Variants in PRKAA1 observed in about 807,000 individuals in gnomAD.
PRKAA1 encodes the protein 5'-AMP-activated protein kinase catalytic subunit alpha-1.
In PRKAA1, 23 loss-of-function variants were observed where a neutral mutation model predicts 56.9. The observed-to-expected ratio is 0.40, with a 90% CI of 0.29 to 0.57. The LOEUF (loss-of-function observed/expected upper bound fraction) is 0.57. Among genes scored for constraint, PRKAA1 ranks in the 20% least tolerant of loss-of-function variants. The probability of loss-of-function intolerance (pLI) is 0.39; values close to 1 mark genes in which losing one functional copy is unlikely to be tolerated. For synonymous variants in PRKAA1, 226 were observed against 227.0 expected (o/e 1.00, Z 0.04); for missense variants, 413 against 679.7 (o/e 0.61, Z 4.36).
intron 2 of PRKAA1, 47 bp downstream of exon 2, chr5:40,777,398 A>C: frequency 6.5e-7 from 1 of 1,532,050 alleles, no homozygotes; most frequent in Non-Finnish European, 8.9e-7. Context: ...GGTTAACAAA[A>C]AAGATGAAAA....
chr5:40,769,070 A>G, intron 5 of PRKAA1: 1 of 662,834 alleles, frequency 1.5e-6, no homozygotes, highest in Non-Finnish European at 2.5e-6. Context: ...TTAAAGCTAC[A>G]CATTACATGT....
At chr5:40,774,944 GT>G in intron 3 of PRKAA1, 1 of 1,604,808 alleles carries the variant, frequency 6.2e-7, no homozygotes, top group Non-Finnish European at 8.5e-7. Flanking sequence ...CGTGGAGCCT[GT>G]TTTTACTACT....
chr5:40,764,805 C>A lies in PRKAA1; in HGVS notation c.1255G>T (p.Asp419Tyr). 1 of 1,613,922 alleles carries A rather than the reference C, an allele frequency of 6.2e-7. No individual in the cohort carries two copies. Among genetic ancestry groups the A allele is most frequent in the Middle Eastern group, 1.6e-4 (1 of 6,062 alleles). The change falls in exon 7 of 9, where the codon GAT becomes TAT. Residue 419 changes from aspartate (D) to tyrosine (Y), a missense_variant. This residue lies in a region of PRKAA1 where 139 missense variants were observed against 171.5 expected (regional missense o/e 0.81). Coordinates refer to ENST00000397128, the MANE Select transcript of PRKAA1 (RefSeq NM_006251.6). The part of the protein sequence containing the change: ...LGIRSQSRPN[D>Y]IMAEVCRAIK... ...GCTCTACATACTTCTGCCATAATAT[C>A]ATTTGGTCGACTTTGACTTCTAATT...
intron 3 of PRKAA1, among the ~76,000 whole-genome samples, chr5:40,773,869 A>T (rs1229217079): frequency 1.3e-5 from 2 of 152,198 alleles, no homozygotes; most frequent in Non-Finnish European, 2.9e-5. Flanking sequence ...GCTCTCAAGG[A>T]CACCAAGGCA....
chr5:40,771,938 A>AT, intron 3 of PRKAA1, 75 bp from the exon 4 acceptor site: 1 of 1,513,194 alleles, frequency 6.6e-7, no homozygotes, highest in Non-Finnish European at 8.9e-7. Context: ...TCTCCAACCT[A>AT]TAAAATTGTC....
rs529388835 is a variant in PRKAA1 at position 40,759,523 on chromosome 5, T to G, written c.*3255A>C. 1 of 152,454 alleles carries G rather than the reference T, an allele frequency of 6.6e-6. No homozygotes were observed. The highest frequency in any genetic ancestry group is 6.5e-5 in the Admixed American group (1 of 15,306). The allele number at this position is 152,454 out of a possible 1,614,324, so 9.4% of individuals were successfully genotyped here. ...ACCTACCAACAATTTACAGTTATGT[T>G]GTATGTGGAATTTCATTCTTGTCAG... On this transcript the variant is annotated 3_prime_UTR_variant, in exon 9 of 9. Coordinates refer to ENST00000397128, the MANE Select transcript of PRKAA1 (RefSeq NM_006251.6).
Position 40,762,680 on chromosome 5 carries a change from G to C in PRKAA1, c.*98C>G. 6.8e-7 allele frequency: 1 copy of C among 1,465,676 alleles called. No individual in the cohort carries two copies. The highest frequency in any genetic ancestry group is 1.3e-5 in the South Asian group (1 of 76,252). 90.8% of individuals were successfully genotyped at this position (1,465,676 alleles called of 1,614,324 possible). On this transcript the variant is annotated 3_prime_UTR_variant, in exon 9 of 9. Transcript: ENST00000397128. The stretch of plus-strand genomic sequence containing the variant: ...ATTGCATTCCAAAACGCCAGCCCTC[G>C]GTTATAATTATGTATAACTTGATTA...
chr5:40,771,932 C>T (rs546198186), intron 3 of PRKAA1, 69 bp from the exon 4 acceptor site: 1 of 1,528,258 alleles, frequency 6.5e-7, no homozygotes, highest in South Asian at 1.2e-5. Flanking sequence ...TATAATTCTC[C>T]AACCTATAAA....
intron 1 of PRKAA1, among the ~76,000 whole-genome samples, chr5:40,777,989 G>A (rs1345460791): frequency 4.6e-5 from 7 of 152,110 alleles, no homozygotes; most frequent in African/African-American, 1.7e-4. Context: ...CAGGAGAATC[G>A]CTTGAACCCA....
chr5:40,777,394 C>T (rs1044602002), intron 2 of PRKAA1, 51 bp downstream of exon 2: 1 of 1,529,062 alleles, frequency 6.5e-7, no homozygotes, highest in African/African-American at 1.4e-5. Context: ...AGTAGGTTAA[C>T]AAAAAAGATG....
Position 40,764,984 on chromosome 5 carries a change from T to C in PRKAA1, c.1076A>G (p.Asp359Gly). The part of the protein sequence containing the change: ...KDFYLATSPP[D>G]SFLDDHHLTR... ...CAGGTGATGATCATCAAGAAAAGAA[T>C]CAGGTGGGCTTGTCGCCAAATAGAA... The change falls in exon 7 of 9, where the codon GAT (aspartate) becomes GGT (glycine). Residue 359 changes from aspartate to glycine, a missense_variant. Asp to Gly is a moderately conservative substitution (Grantham distance 94). Coordinates refer to ENST00000397128, the MANE Select transcript of PRKAA1 (RefSeq NM_006251.6). 1 of 1,614,178 alleles carries C rather than the reference T, an allele frequency of 6.2e-7. No individual in the cohort carries two copies. The highest frequency in any genetic ancestry group is 8.5e-7 in the Non-Finnish European group (1 of 1,180,022).
chr5:40,766,088 T>C (rs1476114378), intron 6 of PRKAA1, among the ~76,000 whole-genome samples: 6 of 152,140 alleles, frequency 3.9e-5, no homozygotes, highest in Non-Finnish European at 8.8e-5. Context: ...AGAAAATAGG[T>C]AAAATACAAA....
At chr5:40,765,682 A>T (rs1050327107) in intron 6 of PRKAA1, among the ~76,000 whole-genome samples, 1 of 152,118 alleles carries the variant, frequency 6.6e-6, no homozygotes, top group East Asian at 1.9e-4. Flanking sequence ...CATATACACT[A>T]TCTCCCCTCA....
At chr5:40,780,467 T>C (rs58692207) in intron 1 of PRKAA1, among the ~76,000 whole-genome samples, 47,737 of 151,950 alleles carry the variant, frequency 0.31, 7,768 homozygotes, top group East Asian at 0.56. Context: ...ATAAGATATA[T>C]ATATACATAG....
chr5:40,786,020 C>T (rs530516192), intron 1 of PRKAA1, among the ~76,000 whole-genome samples: 6 of 152,156 alleles, frequency 3.9e-5, no homozygotes, highest in African/African-American at 9.6e-5. Context: ...TTTGGGAGGC[C>T]GAGGCGGGGA....
rs150503090 is a variant in PRKAA1, at chr5:40,787,467, A to AAATAAT, written c.128-9887_128-9882dup. On this transcript the variant is annotated intron_variant, in intron 1 of 8. Transcript: ENST00000397128. ...GCAACAAGAGTGAAACTCCATCTCA[A>AAATAAT]AATAATAATAATAATAATAATAATA... is the stretch of plus-strand genomic sequence containing the variant. Among the ~76,000 whole-genome samples the AAATAAT allele has an allele frequency of 4.8e-3, 719 of 150,058 alleles. 7 individuals are homozygous for AAATAAT. The highest frequency in any genetic ancestry group is 0.015 in the African/African-American group (630 of 40,810).
chr5:40,797,924 C>G (rs1745011908), intron 1 of PRKAA1, 139 bp downstream of exon 1: 1 of 1,390,854 alleles, frequency 7.2e-7, no homozygotes, highest in Admixed American at 2.3e-5. Context: ...CTGGGGAGAG[C>G]TCCCGCAGGA....
At chr5:40,790,867 G>A (rs1744693182) in intron 1 of PRKAA1, among the ~76,000 whole-genome samples, 1 of 152,082 alleles carries the variant, frequency 6.6e-6, no homozygotes, top group Admixed American at 6.6e-5. Context: ...TTTAAAATAT[G>A]GCATCTAATA....
intron 4 of PRKAA1, among the ~76,000 whole-genome samples, chr5:40,769,846 T>A (rs1743637451): frequency 7.1e-6 from 1 of 139,980 alleles, no homozygotes; most frequent in African/African-American, 2.7e-5. Flanking sequence ...GGATTAAAAT[T>A]CAAAGTTCCT....
Sources: allele counts gnomAD v4.1 joint callset (sites outside exome capture counted in the v4.1 genomes callset), GRCh38; gene constraint gnomAD v4.1.1; regional missense constraint gnomAD v4.1.1; transcripts MANE v1.5; gene names NCBI Gene and HGNC (gene_info 2026-07-23, HGNC 2026-07-21).